Variants in MAGI2 observed in about 807,000 individuals in gnomAD.
MAGI2 encodes membrane associated guanylate kinase, WW and PDZ domain containing 2.
Under a neutral mutation model 133.3 loss-of-function variants are expected in MAGI2, and 35 were observed. The ratio of observed to expected loss-of-function variants is 0.26; its 90% CI spans 0.20 to 0.35. The LOEUF (loss-of-function observed/expected upper bound fraction) is 0.35. Among genes scored for constraint, MAGI2 ranks in the 10% least tolerant of loss-of-function variants. The pLI, the probability that MAGI2 is intolerant of heterozygous loss-of-function variation, is 1.00. For synonymous variants in MAGI2, 729 were observed against 710.6 expected, an observed-to-expected ratio of 1.03 and a Z score of -0.41; for missense variants, 1,636 against 1,863.4, an observed-to-expected ratio of 0.88 and a Z score of 2.25.
intron 1 of MAGI2, among the ~76,000 whole-genome samples, chr7:79,248,132 C>A (rs958622708): frequency 3.3e-5 from 5 of 151,816 alleles, no homozygotes; most frequent in Admixed American, 1.3e-4. Context: ...ACACTTGACC[C>A]ATAAAGACAA....
chr7:78,020,962 G>C (rs1016198146), intron 21 of MAGI2, among the ~76,000 whole-genome samples: 11 of 152,030 alleles, frequency 7.2e-5, no homozygotes, highest in African/African-American at 2.7e-4. Context: ...CATTTACTTA[G>C]GATTTAAGTT....
chr7:78,066,527 G>GAA (rs143483402), intron 21 of MAGI2, among the ~76,000 whole-genome samples: 19 of 150,410 alleles, frequency 1.3e-4, no homozygotes, highest in African/African-American at 3.7e-4. Context: ...AAATAAAGCT[G>GAA]AAAAAAAAAT....
intron 9 of MAGI2, among the ~76,000 whole-genome samples, chr7:78,289,139 T>C (rs1796444507): frequency 6.6e-6 from 1 of 152,094 alleles, no homozygotes; most frequent in African/African-American, 2.4e-5. Flanking sequence ...CTTCAGATGA[T>C]CGGTAATAAC....
At chr7:78,926,566 C>T (rs1363848675) in intron 2 of MAGI2, among the ~76,000 whole-genome samples, 1 of 151,988 alleles carries the variant, frequency 6.6e-6, no homozygotes, top group African/African-American at 2.4e-5. Context: ...AAATGCCCTT[C>T]CCAAGATTCC....
chr7:78,244,182 A>G (rs1791499881), intron 10 of MAGI2, among the ~76,000 whole-genome samples: 1 of 149,686 alleles, frequency 6.7e-6, no homozygotes, highest in South Asian at 2.1e-4. Context: ...AAAAAAAAAA[A>G]AAAAAAAAAA....
chr7:79,209,259 C>G (rs2129552531), intron 1 of MAGI2, among the ~76,000 whole-genome samples: 1 of 151,844 alleles, frequency 6.6e-6, no homozygotes, highest in Middle Eastern at 3.4e-3. Flanking sequence ...GTATATACTT[C>G]AAAACATTAT....
At chr7:79,196,865 TCAAA>T (rs915117049) in intron 1 of MAGI2, among the ~76,000 whole-genome samples, 2 of 151,918 alleles carry the variant, frequency 1.3e-5, no homozygotes, top group African/African-American at 4.8e-5. Context: ...TCTCCAAGGC[TCAAA>T]CAATCCTCCC....
chr7:79,401,414 C>T (rs1315115879), intron 1 of MAGI2, among the ~76,000 whole-genome samples: 3 of 152,140 alleles, frequency 2.0e-5, no homozygotes, highest in East Asian at 1.9e-4. Flanking sequence ...GATAGAATGT[C>T]CAAACTTGAG....
intron 1 of MAGI2, among the ~76,000 whole-genome samples, chr7:79,405,921 C>CAAAAAAAA (rs34025242): frequency 2.8e-5 from 3 of 107,296 alleles, no homozygotes; most frequent in Admixed American, 9.6e-5. Flanking sequence ...AACCACAACA[C>CAAAAAAAA]AAAAAAAAAA....
intron 6 of MAGI2, among the ~76,000 whole-genome samples, chr7:78,476,244 C>G (rs10485899): frequency 0.054 from 8,271 of 151,876 alleles, 371 homozygotes; most frequent in East Asian, 0.11. Flanking sequence ...AAGGAAAAGG[C>G]CACTCTTTTT....
intron 1 of MAGI2, among the ~76,000 whole-genome samples, chr7:79,163,920 T>A (rs1217004673): frequency 6.6e-6 from 1 of 152,034 alleles, no homozygotes; most frequent in East Asian, 1.9e-4. Flanking sequence ...GATCCAGGAT[T>A]TTTTCTTCTT....
chr7:79,238,470 T>C (rs944240857), intron 1 of MAGI2, among the ~76,000 whole-genome samples: 1 of 152,190 alleles, frequency 6.6e-6, no homozygotes, highest in African/African-American at 2.4e-5. Flanking sequence ...ACTAGTATTA[T>C]GGCAGGACAT....
chr7:79,299,720 TTCCC>T (rs1837244527), intron 1 of MAGI2, among the ~76,000 whole-genome samples: 1 of 152,056 alleles, frequency 6.6e-6, no homozygotes, highest in Non-Finnish European at 1.5e-5. Flanking sequence ...TGGATATTTG[TTCCC>T]ACCCAAATCT....
intron 1 of MAGI2, among the ~76,000 whole-genome samples, chr7:79,368,086 G>C (rs1472812845): frequency 1.3e-5 from 2 of 151,830 alleles, no homozygotes; most frequent in Non-Finnish European, 2.9e-5. Flanking sequence ...CTGTGGATGA[G>C]ACACGGCCCT....
At chr7:78,092,904 G>A (rs959482282) in intron 20 of MAGI2, among the ~76,000 whole-genome samples, 2 of 152,066 alleles carry the variant, frequency 1.3e-5, no homozygotes, top group Non-Finnish European at 2.9e-5. Context: ...TGAAGTATTA[G>A]GTTGGTGCAA....
chr7:79,440,306 A>T (rs920594204), intron 1 of MAGI2, among the ~76,000 whole-genome samples: 1 of 152,130 alleles, frequency 6.6e-6, no homozygotes, highest in Non-Finnish European at 1.5e-5. Flanking sequence ...GGCATTTGTA[A>T]AAACTACATA....
chr7:78,574,262 C>A (rs1339256416), intron 3 of MAGI2, among the ~76,000 whole-genome samples: 4 of 152,196 alleles, frequency 2.6e-5, no homozygotes, highest in Non-Finnish European at 5.9e-5. Flanking sequence ...TGCTAACTGG[C>A]ATTTCTTACC....
rs147386293 is a variant in MAGI2 at position 78,033,180 on chromosome 7, A to C, written c.3707-13204T>G. Among the ~76,000 whole-genome samples the C allele has an allele frequency of 3.3e-5, 5 of 152,232 alleles. No homozygotes were observed. In the East Asian group the frequency reaches 9.7e-4, roughly 29 times the overall value. ...TTGGATTCAGGATATCTTTTTGAAG[A>C]TAGACTAGAGTGGACCTGCTGATGG... is the stretch of plus-strand genomic sequence containing the variant. On this transcript the variant is annotated intron_variant, in intron 21 of 21. Coordinates refer to ENST00000354212, the MANE Select transcript of MAGI2 (RefSeq NM_012301.4).
At chr7:78,821,471 G>A (rs1033889837) in intron 2 of MAGI2, among the ~76,000 whole-genome samples, 3 of 151,940 alleles carry the variant, frequency 2.0e-5, no homozygotes, top group African/African-American at 7.2e-5. Flanking sequence ...TAGAAATGGA[G>A]TAAATGAAAA....
Sources: allele counts gnomAD v4.1 joint callset (sites outside exome capture counted in the v4.1 genomes callset), GRCh38; gene constraint gnomAD v4.1.1; transcripts MANE v1.5; gene names NCBI Gene and HGNC (gene_info 2026-07-23, HGNC 2026-07-21).